Variants in FER1L6 observed in about 807,000 individuals in gnomAD.
FER1L6 encodes the protein fer-1-like protein 6.
FER1L6 carries 177 observed loss-of-function variants against 219.2 expected under a neutral mutation model. The observed-to-expected ratio is 0.81, with a 90% CI of 0.71 to 0.91. FER1L6 has a LOEUF of 0.91. FER1L6 is among the 40% of genes least tolerant of loss of function. The probability of loss-of-function intolerance (pLI) is 0.00; values close to 1 mark genes in which losing one functional copy is unlikely to be tolerated. For synonymous variants in FER1L6, 768 were observed against 824.3 expected (o/e 0.93, Z 1.17); for missense variants, 2,153 against 2,259.9 (o/e 0.95, Z 0.96).
intron 8 of FER1L6, 138 bp from the exon 9 acceptor site, chr8:123,975,760 C>T: frequency 1.4e-6 from 1 of 698,734 alleles, no homozygotes; most frequent in South Asian, 2.3e-5. Context: ...AAAGAAAACT[C>T]ATTTCAGCAA....
chr8:123,939,917 T>A (rs1814164543), intron 1 of FER1L6, among the ~76,000 whole-genome samples: 1 of 152,208 alleles, frequency 6.6e-6, no homozygotes, highest in South Asian at 2.1e-4. Flanking sequence ...TAGCTACAAA[T>A]GAAAGCTCTT....
At chr8:124,069,666 T>C (rs1401122897) in intron 29 of FER1L6, among the ~76,000 whole-genome samples, 191 bp downstream of exon 29, 2 of 152,216 alleles carry the variant, frequency 1.3e-5, no homozygotes, top group Non-Finnish European at 2.9e-5. Context: ...CCATTTCCTA[T>C]ACCCTCATAT....
intron 39 of FER1L6, among the ~76,000 whole-genome samples, chr8:124,115,892 T>A (rs1823225073): frequency 6.6e-6 from 1 of 152,248 alleles, no homozygotes. Context: ...ATTTGCTATA[T>A]GTGTTGTGCT....
chr8:124,055,749 G>T (rs1172687188), intron 22 of FER1L6, among the ~76,000 whole-genome samples: 1 of 152,116 alleles, frequency 6.6e-6, no homozygotes, highest in Non-Finnish European at 1.5e-5. Flanking sequence ...GGTGGCTTAA[G>T]ACAACCCAAT....
At chr8:124,104,107 T>C (rs182661061) in intron 39 of FER1L6, among the ~76,000 whole-genome samples, 11 of 152,328 alleles carry the variant, frequency 7.2e-5, no homozygotes, top group Admixed American at 5.9e-4. Flanking sequence ...GCTGCTGGTC[T>C]GACCTCATGG....
At chr8:124,011,349 C>G (rs1435339995) in intron 14 of FER1L6, among the ~76,000 whole-genome samples, 2 of 152,026 alleles carry the variant, frequency 1.3e-5, no homozygotes, top group African/African-American at 2.4e-5. Context: ...TTACATAACA[C>G]CCTGTTTTGT....
intron 14 of FER1L6, among the ~76,000 whole-genome samples, chr8:124,013,134 G>A (rs998102058): frequency 6.6e-6 from 1 of 152,166 alleles, no homozygotes; most frequent in African/African-American, 2.4e-5. Context: ...GGTTTCCCCA[G>A]AGGGTAGATT....
rs558624040 is a variant in FER1L6, at chr8:124,011,071, T to C, written c.1821+357T>C. Among the ~76,000 whole-genome samples the C allele has an allele frequency of 3.3e-5, 5 of 152,308 alleles. No individual in the cohort carries two copies. The South Asian group carries it at 6.2e-4, about 19-fold the overall frequency. On this transcript the variant is annotated intron_variant, in intron 14 of 40. Coordinates refer to ENST00000522917, the MANE Select transcript of FER1L6 (RefSeq NM_001039112.2). ...AATAAAAAATCCTAAGTCCCTGGCA[T>C]AGTGGACAACTGCCTACAAGATCAG...
intron 1 of FER1L6, among the ~76,000 whole-genome samples, chr8:123,865,085 T>C (rs1816809435): frequency 6.6e-6 from 1 of 150,612 alleles, no homozygotes; most frequent in African/African-American, 2.5e-5. Context: ...AGTTTTTCTG[T>C]TCTGTTTTTT....
Position 124,092,466 on chromosome 8 carries a change from A to C in FER1L6, c.4552+883A>C. ...CCCCATAAATGTTATACCAATAACT[A>C]TCCTATTTTAACACCAAGTCGTAGA... On this transcript the variant is annotated intron_variant, in intron 34 of 40. Transcript: ENST00000522917. Among the ~76,000 whole-genome samples, 2 of 152,202 alleles carry C rather than the reference A, an allele frequency of 1.3e-5. 1 individual carries two copies. The highest frequency in any genetic ancestry group is 6.3e-3 in the Middle Eastern group (2 of 316).
chr8:124,085,510 T>G (rs774636172), intron 33 of FER1L6, among the ~76,000 whole-genome samples: 2 of 152,208 alleles, frequency 1.3e-5, no homozygotes, highest in Non-Finnish European at 2.9e-5. Flanking sequence ...ATTGTTTAAT[T>G]TCCATGTGTT....
chr8:124,094,148 C>T (rs921406546), intron 34 of FER1L6, among the ~76,000 whole-genome samples: 5 of 152,136 alleles, frequency 3.3e-5, no homozygotes, highest in Admixed American at 6.5e-5. Context: ...AGACAAAAGA[C>T]GTCCCTATGG....
At chr8:123,981,712 T>C (rs1315455562) in intron 11 of FER1L6, among the ~76,000 whole-genome samples, 1 of 152,092 alleles carries the variant, frequency 6.6e-6, no homozygotes, top group East Asian at 1.9e-4. Context: ...AGGGGAGTGG[T>C]TGGAGCATAG....
chr8:124,003,433 A>C, intron 13 of FER1L6, 86 bp downstream of exon 13: 2 of 575,488 alleles, frequency 3.5e-6, no homozygotes, highest in South Asian at 4.3e-5. Context: ...TCAGTTCTTC[A>C]CTAAAATCAG....
chr8:124,099,812 G>A (rs1243889770), intron 37 of FER1L6, among the ~76,000 whole-genome samples: 1 of 151,894 alleles, frequency 6.6e-6, no homozygotes, highest in Non-Finnish European at 1.5e-5. Flanking sequence ...CATACCACAT[G>A]CCCCCTTGCT....
At chr8:124,109,152 T>A (rs916587553) in intron 39 of FER1L6, among the ~76,000 whole-genome samples, 4 of 152,064 alleles carry the variant, frequency 2.6e-5, no homozygotes, top group African/African-American at 9.7e-5. Context: ...GAGAGAGAGA[T>A]ACACGTCCAA....
intron 1 of FER1L6, among the ~76,000 whole-genome samples, chr8:123,878,927 T>C (rs1473001235): frequency 1.3e-5 from 2 of 152,210 alleles, no homozygotes; most frequent in Non-Finnish European, 2.9e-5. Flanking sequence ...TGTGCTAGGC[T>C]CTTTGCCTGA....
intron 1 of FER1L6, among the ~76,000 whole-genome samples, chr8:123,950,632 T>C (rs1814717927): frequency 6.6e-6 from 1 of 152,170 alleles, no homozygotes; most frequent in African/African-American, 2.4e-5. Context: ...GCAGGTGAAA[T>C]ATTAAGATTC....
intron 18 of FER1L6, among the ~76,000 whole-genome samples, chr8:124,035,065 C>G (rs1819138084): frequency 6.6e-6 from 1 of 152,162 alleles, no homozygotes; most frequent in African/African-American, 2.4e-5. Flanking sequence ...AGCTTTAGGT[C>G]CCACTAGACC....
Sources: allele counts gnomAD v4.1 joint callset (sites outside exome capture counted in the v4.1 genomes callset), GRCh38; gene constraint gnomAD v4.1.1; transcripts MANE v1.5; gene names NCBI Gene and HGNC (gene_info 2026-07-23, HGNC 2026-07-21).